Variants in CENPS observed in about 807,000 individuals in gnomAD.
CENPS encodes centromere protein S.
A neutral mutation model predicts 17.9 loss-of-function variants in CENPS; 16 were observed. That is an observed-to-expected ratio of 0.90 (90% confidence interval 0.61 to 1.36). The LOEUF (loss-of-function observed/expected upper bound fraction) is 1.36, where lower values mean the gene tolerates loss of function less well. Among genes scored for constraint, CENPS ranks in the 40% most tolerant of loss-of-function variants. CENPS has a pLI of 0.00. For missense variants in CENPS, 160 were observed against 158.6 expected (o/e 1.01, Z -0.05); for synonymous variants, 49 against 55.8 (o/e 0.88, Z 0.54).
intron 2 of CENPS, 114 bp downstream of exon 2, chr1:10,434,079 A>G (rs1245035223): frequency 1.2e-5 from 19 of 1,537,022 alleles, no homozygotes; most frequent in Middle Eastern, 2.3e-4. Flanking sequence ...CAAGAATATT[A>G]TCATCCTCAT....
At chr1:10,434,110 C>A (rs1324645331) in intron 2 of CENPS, 145 bp downstream of exon 2, 1 of 1,462,316 alleles carries the variant, frequency 6.8e-7, no homozygotes, top group African/African-American at 1.4e-5. Context: ...TGAAACACTT[C>A]TCTTCTTGGC....
intron 2 of CENPS, 33 bp from the exon 3 acceptor site, chr1:10,434,624 G>A (rs1378380399): frequency 1.2e-6 from 2 of 1,604,356 alleles, no homozygotes; most frequent in East Asian, 2.2e-5. Context: ...ATGGGAGGGT[G>A]CCTAAAGTGT....
intron 1 of CENPS, 103 bp from the exon 2 acceptor site, chr1:10,433,739 G>A (rs981377949): frequency 1.9e-6 from 3 of 1,554,178 alleles, no homozygotes; most frequent in Non-Finnish European, 2.6e-6. Context: ...AAGCGCCAGA[G>A]GGATTGGGCT....
rs758711988 is a variant in CENPS, at chr1:10,442,394, A to G, written c.406A>G (p.Ser136Gly). Residue 136 changes from serine (S) to glycine (G), a missense_variant, in exon 5 of 5, where the codon AGT becomes GGT. Coordinates refer to ENST00000309048, the MANE Select transcript of CENPS (RefSeq NM_199294.3). ...RQPAEAGVVE[S>G]EN ...GCCAGCAGAGGCTGGAGTGGTGGAA[A>G]GTGAGAATTAAAGTCCCTCGCCGCT... is the stretch of plus-strand genomic sequence containing the variant. 2 of 1,583,500 alleles carry G rather than the reference A, an allele frequency of 1.3e-6. No homozygotes were observed. Among genetic ancestry groups the G allele is most frequent in the Admixed American group, 2.0e-5 (1 of 49,392 alleles).
At chr1:10,431,111 T>TAA in intron 1 of CENPS, 1 of 1,412,516 alleles carries the variant, frequency 7.1e-7, no homozygotes, top group Non-Finnish European at 9.2e-7. Context: ...GCAATTTTCT[T>TAA]CTCTGCAAAA....
chr1:10,437,414 G>A (rs1336893715), intron 3 of CENPS, among the ~76,000 whole-genome samples: 1 of 140,634 alleles, frequency 7.1e-6, no homozygotes, highest in Admixed American at 7.1e-5. Context: ...TTTTTTTTTT[G>A]GAGCAGGAGG....
At chr1:10,436,767 A>G (rs1570040757) in intron 3 of CENPS, among the ~76,000 whole-genome samples, 1 of 151,582 alleles carries the variant, frequency 6.6e-6, no homozygotes, top group African/African-American at 2.4e-5. Context: ...TTTGTCTGAG[A>G]ACTGAGTGAG....
intron 3 of CENPS, among the ~76,000 whole-genome samples, chr1:10,437,479 T>C: frequency 6.6e-6 from 1 of 151,614 alleles, no homozygotes; most frequent in African/African-American, 2.4e-5. Context: ...TGTTTTTAGA[T>C]GGAGTCTCAC....
At chr1:10,432,514 A>G (rs1639966804) in intron 1 of CENPS, among the ~76,000 whole-genome samples, 1 of 152,110 alleles carries the variant, frequency 6.6e-6, no homozygotes, top group African/African-American at 2.4e-5. Flanking sequence ...CCCCCCATTC[A>G]TGTAACCAAC....
intron 4 of CENPS, 25 bp downstream of exon 4, chr1:10,440,438 C>T: frequency 1.9e-6 from 3 of 1,612,542 alleles, no homozygotes; most frequent in South Asian, 1.1e-5. Context: ...TCTTTCCTCA[C>T]TCCCCTTTCC....
chr1:10,433,979 G>T lies in CENPS; in HGVS notation c.175+14G>T. The T allele has an allele frequency of 6.2e-7, 1 of 1,614,004 alleles. No homozygotes were observed. Among genetic ancestry groups the T allele is most frequent in the Non-Finnish European group, 8.5e-7 (1 of 1,179,958 alleles). ...TCCGACAGTGTGGTATGAAGCTTCG[G>T]CCTCCCCAGCCATGTCTGTAAACCC... On this transcript the variant is annotated intron_variant, in intron 2 of 4. Transcript: ENST00000309048.
chr1:10,430,439 C>G lies in CENPS; in HGVS notation c.-79C>G. On this transcript the variant is annotated 5_prime_UTR_variant, in exon 1 of 5. Coordinates refer to ENST00000309048, the MANE Select transcript of CENPS (RefSeq NM_199294.3). ...CCCGCGCGGCCCGTCGCTCGCGCCG[C>G]GGCGGGAAAATCCGACCTGGCCGCG... The G allele has an allele frequency of 6.6e-7, 1 of 1,516,650 alleles. No homozygotes were observed. Among genetic ancestry groups the G allele is most frequent in the South Asian group, 1.2e-5 (1 of 81,116 alleles). 93.9% of individuals were successfully genotyped at this position (1,516,650 alleles called of 1,614,324 possible).
intron 3 of CENPS, among the ~76,000 whole-genome samples, chr1:10,439,312 G>A (rs772026439): frequency 2.1e-4 from 32 of 152,298 alleles, no homozygotes; most frequent in Non-Finnish European, 4.0e-4. Flanking sequence ...GGGGAAGTTA[G>A]AAATGGAAGA....
intron 2 of CENPS, among the ~76,000 whole-genome samples, chr1:10,434,406 G>T (rs749862551): frequency 6.6e-5 from 10 of 152,200 alleles, no homozygotes; most frequent in Non-Finnish European, 1.0e-4. Context: ...CAAAGGCATA[G>T]TCACAATTAA....
rs75614849 is a variant in CENPS, at chr1:10,442,260, T to A, written c.277-5T>A. On this transcript the variant is annotated splice_region_variant and splice_polypyrimidine_tract_variant and intron_variant, in intron 4 of 4. Transcript: ENST00000309048. The stretch of plus-strand genomic sequence containing the variant: ...CAGATATAAATACAGATTTTTTTTT[T>A]ATAGCTAAAATACATCACAGACAAA... 13 of 1,563,316 alleles carry A rather than the reference T, an allele frequency of 8.3e-6. No individual in the cohort carries two copies. In the Admixed American group the frequency reaches 1.3e-4, roughly 15 times the overall value.
intron 3 of CENPS, 59 bp from the exon 4 acceptor site, chr1:10,440,288 T>A (rs1640350714): frequency 7.5e-6 from 12 of 1,594,906 alleles, no homozygotes; most frequent in Non-Finnish European, 1.0e-5. Context: ...CTTCTGTGTT[T>A]CATCAAAACT....
chr1:10,437,208 T>A (rs1374864724), intron 3 of CENPS, among the ~76,000 whole-genome samples: 1 of 151,990 alleles, frequency 6.6e-6, no homozygotes, highest in Non-Finnish European at 1.5e-5. Flanking sequence ...CAGGCTGGAG[T>A]GCAGTGGCAG....
chr1:10,431,327 T>TA, intron 1 of CENPS: 3 of 1,535,258 alleles, frequency 2.0e-6, no homozygotes, highest in Non-Finnish European at 2.6e-6. Flanking sequence ...TCTACAAAGT[T>TA]ACACTGCAGC....
At chr1:10,431,020 AG>A (rs1462436316) in intron 1 of CENPS, 94 of 1,319,616 alleles carry the variant, frequency 7.1e-5, no homozygotes, top group Non-Finnish European at 8.7e-5. Flanking sequence ...GGTGCGGACC[AG>A]TCAGGCCCAG....
Sources: allele counts gnomAD v4.1 joint callset (sites outside exome capture counted in the v4.1 genomes callset), GRCh38; gene constraint gnomAD v4.1.1; transcripts MANE v1.5; gene names NCBI Gene and HGNC (gene_info 2026-07-23, HGNC 2026-07-21).